Variants in DIO2 observed in about 807,000 individuals in gnomAD.
DIO2 encodes type II iodothyronine deiodinase.
In DIO2, 19 loss-of-function variants were observed where a neutral mutation model predicts 21.4. That is an observed-to-expected ratio of 0.89 (90% CI 0.62 to 1.30). The LOEUF (loss-of-function observed/expected upper bound fraction) is 1.30, where lower values mean the gene tolerates loss of function less well. DIO2 is among the 50% of genes most tolerant of loss of function. The pLI, the probability that DIO2 is intolerant of heterozygous loss-of-function variation, is 0.00. For missense variants in DIO2, 302 were observed against 338.1 expected (o/e 0.89, Z 0.84); for synonymous variants, 122 against 132.9 (o/e 0.92, Z 0.57).
Position 80,205,750 on chromosome 14 carries a change from T to G in DIO2, c.223-2462A>C, listed in dbSNP as rs1271875082. On this transcript the variant is annotated intron_variant, in intron 1 of 1. Transcript: ENST00000438257. Reference sequence around the variant, plus strand: ...ACACTGTCAGTCTAAAATAAAAAAATTAGGAAAGTTACCAAATTCGTAATG... The same window carrying G: ...ACACTGTCAGTCTAAAATAAAAAAAGTAGGAAAGTTACCAAATTCGTAATG... The G allele has an allele frequency of 9.5e-6, 12 of 1,266,518 alleles. 1 individual carries two copies. Among genetic ancestry groups the G allele is most frequent in the Non-Finnish European group, 1.2e-5 (12 of 988,176 alleles). The allele number at this position is 1,266,518 out of a possible 1,614,324, so 78.5% of individuals were successfully genotyped here. A position where few individuals can be genotyped will look rare whatever the true frequency, so the allele number is the denominator to read the frequency against.
intron 2 of DIO2, among the ~76,000 whole-genome samples, chr14:80,226,435 C>A (rs766203186): frequency 6.6e-6 from 1 of 152,168 alleles, no homozygotes; most frequent in Admixed American, 6.5e-5. Context: ...GTAGTCTTGG[C>A]GGAAGCATTG....
intron 2 of DIO2, among the ~76,000 whole-genome samples, chr14:80,226,786 G>T (rs1888585337): frequency 6.6e-6 from 1 of 152,224 alleles, no homozygotes; most frequent in Non-Finnish European, 1.5e-5. Flanking sequence ...GGTGTCCACA[G>T]AATGGGTCAT....
intron 1 of DIO2, among the ~76,000 whole-genome samples, chr14:80,204,072 GTGTT>G (rs1887854687): frequency 6.6e-6 from 1 of 152,014 alleles, no homozygotes. Flanking sequence ...GGGCAATTCT[GTGTT>G]TGTTTTTGTT....
At chr14:80,215,876 C>A (rs1888340188), upstream of DIO2, 1 of 152,280 alleles carries the variant, frequency 6.6e-6, no homozygotes, top group Non-Finnish European at 1.5e-5. Context: ...CCTGTGGGCC[C>A]ATCCATTCCA....
In DIO2 at chr14:80,197,823, A is replaced by C. The variant is rs1887540492; in HGVS notation, c.*4866T>G. On this transcript the variant is annotated 3_prime_UTR_variant, in exon 2 of 2. Coordinates refer to ENST00000438257, the MANE Select transcript of DIO2 (RefSeq NM_013989.5). ...TAACTGAGTCGATGACTCTTTCGTC[A>C]GTAGTTATCATCCGCACACTGGTCA... 6.6e-6 allele frequency: 1 copy of C among 152,646 alleles called. No homozygotes were observed. The highest frequency in any genetic ancestry group is 1.5e-5 in the Non-Finnish European group (1 of 68,054). The allele number at this position is 152,646 out of a possible 1,614,324, so 9.5% of individuals were successfully genotyped here. A position where few individuals can be genotyped will look rare whatever the true frequency, so the allele number is the denominator to read the frequency against.
rs1045495053 is a variant in DIO2 at position 80,200,335 on chromosome 14, G to A, written c.*2354C>T. 5 of 152,422 alleles carry A rather than the reference G, an allele frequency of 3.3e-5. No individual in the cohort carries two copies. Among genetic ancestry groups the A allele is most frequent in the Non-Finnish European group, 7.4e-5 (5 of 68,006 alleles). The allele number at this position is 152,422 out of a possible 1,614,324, so 9.4% of individuals were successfully genotyped here. ...GGGAGAATTGTCTGCACACATAAACGACCTCCTTCTTTAAAAATATAGCAC... is the reference window on the plus strand; with the variant it reads ...GGGAGAATTGTCTGCACACATAAACAACCTCCTTCTTTAAAAATATAGCAC... On this transcript the variant is annotated 3_prime_UTR_variant, in exon 2 of 2. Transcript: ENST00000438257.
intron 2 of DIO2, among the ~76,000 whole-genome samples, chr14:80,226,682 G>C (rs1425229302): frequency 1.3e-5 from 2 of 152,236 alleles, no homozygotes; most frequent in African/African-American, 4.8e-5. Context: ...CCATGTTGCT[G>C]AGTTTATGCA....
intron 2 of DIO2, among the ~76,000 whole-genome samples, chr14:80,228,678 G>T (rs1888626389): frequency 6.6e-6 from 1 of 152,168 alleles, no homozygotes; most frequent in Non-Finnish European, 1.5e-5. Flanking sequence ...TGGGGGTTCT[G>T]CCAGCTAATA....
Position 80,203,258 on chromosome 14 carries a change from T to C in DIO2, c.253A>G (p.Ser85Gly). 6.3e-7 allele frequency: 1 copy of C among 1,591,130 alleles called. No homozygotes were observed. The highest frequency in any genetic ancestry group is 8.5e-7 in the Non-Finnish European group (1 of 1,169,722). ...VKLGEDAPNSSVVHVSSTEGG... is the reference protein window; with the variant it reads ...VKLGEDAPNSGVVHVSSTEGG... ...TCTGTACTGGAGACATGCACCACAC[T>C]GGAATTGGGGGCATCCTCACCCAAT... Residue 85 changes from serine to glycine, a missense_variant, in exon 2 of 2, where the codon AGT becomes GGT. Transcript: ENST00000438257.
chr14:80,207,192 G>A (rs1356061882), intron 1 of DIO2, among the ~76,000 whole-genome samples: 2 of 152,112 alleles, frequency 1.3e-5, no homozygotes, highest in Non-Finnish European at 1.5e-5. Flanking sequence ...AAGTTCAAAT[G>A]TTGGAATGGA....
At chr14:80,204,029 C>A (rs1887853210) in intron 1 of DIO2, among the ~76,000 whole-genome samples, 1 of 152,126 alleles carries the variant, frequency 6.6e-6, no homozygotes, top group Non-Finnish European at 1.5e-5. Context: ...TCAGATGCTA[C>A]CCCACCATGT....
chr14:80,213,388 C>A (rs1478691670), upstream of DIO2, among the ~76,000 whole-genome samples: 3 of 152,098 alleles, frequency 2.0e-5, no homozygotes, highest in South Asian at 6.2e-4. Context: ...TAGCGTATTG[C>A]GTATTTTTTC....
At chr14:80,225,636 T>G (rs1346104553) in intron 2 of DIO2, among the ~76,000 whole-genome samples, 1 of 152,236 alleles carries the variant, frequency 6.6e-6, no homozygotes, top group Admixed American at 6.5e-5. Flanking sequence ...CTGTATTTCT[T>G]TTGCCTTCAG....
At position 80,203,178 on chromosome 14, in the gene DIO2, T is replaced by A; in HGVS notation, c.333A>T (p.Thr111=). ...GGCTGGCAAAGTCAAGAAGGTGGCA[T>A]GTGGCTCCCTCAGCTATCTTCTCCT... The part of the protein sequence containing the change: ...GTQEKIAEGA[T]CHLLDFASPE... The change falls in exon 2 of 2, where the codon ACA becomes ACT. Residue 111 remains threonine (T), a synonymous_variant. Coordinates refer to ENST00000438257, the MANE Select transcript of DIO2 (RefSeq NM_013989.5). The A allele has an allele frequency of 3.1e-6, 5 of 1,611,158 alleles. No homozygotes were observed. Among genetic ancestry groups the A allele is most frequent in the Non-Finnish European group, 4.2e-6 (5 of 1,178,668 alleles).
In DIO2 at chr14:80,200,126, T is replaced by C. The variant is rs1463395769; in HGVS notation, c.*2563A>G. On this transcript the variant is annotated 3_prime_UTR_variant, in exon 2 of 2. Coordinates refer to ENST00000438257, the MANE Select transcript of DIO2 (RefSeq NM_013989.5). ...TACATAATTACAGGCTTAACCCTGA[T>C]AACACCAAGACATTCTACATAGCGT... 6.6e-6 allele frequency: 1 copy of C among 152,670 alleles called. No homozygotes were observed. The highest frequency in any genetic ancestry group is 1.9e-4 in the East Asian group (1 of 5,196). The allele number at this position is 152,670 out of a possible 1,614,324, so 9.5% of individuals were successfully genotyped here.
upstream of DIO2, among the ~76,000 whole-genome samples, chr14:80,214,752 T>C (rs530586982): frequency 1.2e-4 from 18 of 152,300 alleles, no homozygotes; most frequent in African/African-American, 4.3e-4. Context: ...ACATTGATTT[T>C]CAAGTAATTT....
At chr14:80,230,560 C>T (rs1279935669) in intron 2 of DIO2, among the ~76,000 whole-genome samples, 1 of 152,106 alleles carries the variant, frequency 6.6e-6, no homozygotes, top group Non-Finnish European at 1.5e-5. Flanking sequence ...CTTGATTCTC[C>T]ACATATGGTC....
At chr14:80,229,220 A>G (rs1888638076) in intron 2 of DIO2, among the ~76,000 whole-genome samples, 1 of 152,030 alleles carries the variant, frequency 6.6e-6, no homozygotes, top group Non-Finnish European at 1.5e-5. Context: ...TTTCACTTCT[A>G]GGAACACCAT....
At chr14:80,225,764 G>A (rs1888563366) in intron 2 of DIO2, among the ~76,000 whole-genome samples, 1 of 152,008 alleles carries the variant, frequency 6.6e-6, no homozygotes. Context: ...GTTTCCCATT[G>A]ACCTTAATTG....
Sources: allele counts gnomAD v4.1 joint callset (sites outside exome capture counted in the v4.1 genomes callset), GRCh38; gene constraint gnomAD v4.1.1; transcripts MANE v1.5; gene names NCBI Gene and HGNC (gene_info 2026-07-23, HGNC 2026-07-21).